The following PKNOX2 variants were observed in gnomAD, a reference collection of about 807,000 sequenced individuals.
PKNOX2 encodes the protein homeobox protein PKNOX2.
In PKNOX2, 14 loss-of-function variants were observed where a neutral mutation model predicts 53.1. That is an observed-to-expected ratio of 0.26 (90% CI 0.17 to 0.41). PKNOX2 has a LOEUF of 0.41. Among genes scored for constraint, PKNOX2 ranks in the 10% least tolerant of loss-of-function variants. The probability of loss-of-function intolerance (pLI) is 1.00; values close to 1 mark genes in which losing one functional copy is unlikely to be tolerated. For synonymous variants in PKNOX2, 257 were observed against 242.8 expected, an observed-to-expected ratio of 1.06 and a Z score of -0.54; for missense variants, 496 against 602.8, an observed-to-expected ratio of 0.82 and a Z score of 1.85.
rs78059803 is a variant in PKNOX2, at chr11:125,376,635, G to T, written c.227+8650G>T. Among the ~76,000 whole-genome samples the T allele has an allele frequency of 4.3e-3, 655 of 152,314 alleles. 4 individuals are homozygous for T. The highest frequency in any genetic ancestry group is 0.01 in the Middle Eastern group (3 of 294). ...GAGCCTGAAAGAACTTGAGGATTGT[G>T]TCTCAAAACCTTCATTCCAATAGTC... On this transcript the variant is annotated intron_variant, in intron 5 of 12. Coordinates refer to ENST00000298282, the MANE Select transcript of PKNOX2 (RefSeq NM_001382323.2).
At chr11:125,296,449 A>C (rs1223501201) in intron 2 of PKNOX2, among the ~76,000 whole-genome samples, 1 of 152,068 alleles carries the variant, frequency 6.6e-6, no homozygotes, top group South Asian at 2.1e-4. Flanking sequence ...CCATGTGCCC[A>C]CATTGGTCGC....
At chr11:125,202,015 G>C (rs559078221) in intron 1 of PKNOX2, among the ~76,000 whole-genome samples, 1 of 152,312 alleles carries the variant, frequency 6.6e-6, no homozygotes, top group African/African-American at 2.4e-5. Context: ...TAAGCCTTTT[G>C]TTTCCTGTTT....
At chr11:125,225,542 C>T (rs551489249) in intron 1 of PKNOX2, among the ~76,000 whole-genome samples, 1 of 152,314 alleles carries the variant, frequency 6.6e-6, no homozygotes, top group South Asian at 2.1e-4. Context: ...CTGCACTGAG[C>T]TGCCCCAGAC....
chr11:125,403,121 G>C (rs1366100917), intron 7 of PKNOX2, among the ~76,000 whole-genome samples: 1 of 152,124 alleles, frequency 6.6e-6, no homozygotes, highest in Non-Finnish European at 1.5e-5. Context: ...GAGGAGATGG[G>C]GTGAAGGGGG....
chr11:125,402,997 G>C (rs924809498), intron 7 of PKNOX2, among the ~76,000 whole-genome samples: 15 of 152,226 alleles, frequency 9.9e-5, no homozygotes, highest in African/African-American at 3.6e-4. Flanking sequence ...TTTCAGGCAG[G>C]CTTGGTGAGA....
intron 2 of PKNOX2, among the ~76,000 whole-genome samples, chr11:125,273,240 G>A (rs1945932173): frequency 6.6e-6 from 1 of 152,196 alleles, no homozygotes; most frequent in African/African-American, 2.4e-5. Context: ...GAACCCAGAG[G>A]AGCAGCTGAA....
chr11:125,241,665 A>G (rs113292678), intron 2 of PKNOX2, among the ~76,000 whole-genome samples: 3,463 of 152,196 alleles, frequency 0.023, 115 homozygotes, highest in African/African-American at 0.077. Flanking sequence ...GACCAGACTG[A>G]CCAACATGGT....
At chr11:125,362,956 G>A (rs1439350483) in intron 4 of PKNOX2, among the ~76,000 whole-genome samples, 1 of 152,188 alleles carries the variant, frequency 6.6e-6, no homozygotes, top group Non-Finnish European at 1.5e-5. Flanking sequence ...CTCCTTTTTA[G>A]AATGGGAAAA....
chr11:125,312,432 C>T (rs112934897), intron 2 of PKNOX2, among the ~76,000 whole-genome samples: 14 of 152,310 alleles, frequency 9.2e-5, no homozygotes, highest in African/African-American at 3.4e-4. Flanking sequence ...CACTTCAAAG[C>T]CGTCTGAGTT....
At chr11:125,322,234 G>C (rs1032960672) in intron 2 of PKNOX2, among the ~76,000 whole-genome samples, 9 of 152,204 alleles carry the variant, frequency 5.9e-5, no homozygotes, top group African/African-American at 2.2e-4. Flanking sequence ...ATATGTTTTT[G>C]AGCATAGGAA....
intron 4 of PKNOX2, among the ~76,000 whole-genome samples, chr11:125,362,610 A>G (rs1261018560): frequency 2.0e-5 from 3 of 152,122 alleles, no homozygotes; most frequent in East Asian, 1.9e-4. Flanking sequence ...GCTTCAAGCA[A>G]TCCTCCCACT....
chr11:125,301,618 G>T (rs1258765017), intron 2 of PKNOX2, among the ~76,000 whole-genome samples: 2 of 152,008 alleles, frequency 1.3e-5, no homozygotes, highest in Admixed American at 6.6e-5. Context: ...ATATGAATTT[G>T]TTACATATTA....
At chr11:125,298,279 A>T (rs530483690) in intron 2 of PKNOX2, among the ~76,000 whole-genome samples, 52 of 152,310 alleles carry the variant, frequency 3.4e-4, no homozygotes, top group Non-Finnish European at 6.8e-4. Flanking sequence ...GAGACCTGGA[A>T]AATTCAGGCA....
rs115457971 is a variant in PKNOX2 at position 125,396,261 on chromosome 11, T to C, written c.400-1613T>C. ...GAGCCACTGTGCCCAGCCTGGATCA[T>C]GCTTTTGGTGTCAACTCTAAGATCT... On this transcript the variant is annotated intron_variant, in intron 6 of 12. Coordinates refer to ENST00000298282, the MANE Select transcript of PKNOX2 (RefSeq NM_001382323.2). Among the ~76,000 whole-genome samples the C allele has an allele frequency of 2.4e-3, 372 of 152,290 alleles. 3 individuals are homozygous for C. The highest frequency in any genetic ancestry group is 8.4e-3 in the African/African-American group (351 of 41,566).
intron 3 of PKNOX2, among the ~76,000 whole-genome samples, chr11:125,338,075 C>T (rs1049292744): frequency 3.9e-5 from 6 of 152,230 alleles, no homozygotes; most frequent in African/African-American, 1.4e-4. Flanking sequence ...TGGCTTCTCA[C>T]TGTGGACAGC....
chr11:125,249,979 C>T (rs1362419837), intron 2 of PKNOX2, among the ~76,000 whole-genome samples: 3 of 143,834 alleles, frequency 2.1e-5, no homozygotes, highest in African/African-American at 2.6e-5. Flanking sequence ...GCAAGAGAAT[C>T]GCTTGTACCC....
At chr11:125,202,850 T>G (rs1806188467) in intron 1 of PKNOX2, among the ~76,000 whole-genome samples, 1 of 152,184 alleles carries the variant, frequency 6.6e-6, no homozygotes, top group Non-Finnish European at 1.5e-5. Flanking sequence ...ATGGGCAAAT[T>G]AACTCACTAT....
chr11:125,200,590 G>T (rs115142160), intron 1 of PKNOX2, among the ~76,000 whole-genome samples: 1 of 152,116 alleles, frequency 6.6e-6, no homozygotes, highest in African/African-American at 2.4e-5. Flanking sequence ...GCCTCCCGCC[G>T]GTTCCCAACC....
At chr11:125,398,830 C>T (rs1954568982) in intron 7 of PKNOX2, among the ~76,000 whole-genome samples, 1 of 152,252 alleles carries the variant, frequency 6.6e-6, no homozygotes, top group African/African-American at 2.4e-5. Flanking sequence ...GTTCCCCTTC[C>T]ACTGAGCTCC....
Sources: gnomAD v4.1 joint callset for allele counts (sites outside exome capture counted in the v4.1 genomes callset) on GRCh38, gnomAD v4.1.1 for gene constraint, MANE v1.5 for transcripts, NCBI Gene and HGNC (gene_info 2026-07-23, HGNC 2026-07-21) for gene names.